The following IL1R1 variants were observed in gnomAD, a reference collection of about 807,000 sequenced individuals.
IL1R1 encodes the protein interleukin-1 receptor type 1.
IL1R1 carries 22 observed loss-of-function variants against 50.2 expected under a neutral mutation model. The ratio of observed to expected loss-of-function variants is 0.44; its 90% CI spans 0.31 to 0.63. The LOEUF (loss-of-function observed/expected upper bound fraction) is 0.63, where lower values mean the gene tolerates loss of function less well. Among genes scored for constraint, IL1R1 ranks in the 20% least tolerant of loss-of-function variants. The probability of loss-of-function intolerance (pLI) is 0.07; values close to 1 mark genes in which losing one functional copy is unlikely to be tolerated. For synonymous variants in IL1R1, 251 were observed against 236.7 expected, an observed-to-expected ratio of 1.06 and a Z score of -0.55; for missense variants, 509 against 676.2, an observed-to-expected ratio of 0.75 and a Z score of 2.74.
chr2:102,171,730 T>C, intron 7 of IL1R1, 71 bp from the exon 8 acceptor site: 1 of 794,446 alleles, frequency 1.3e-6, no homozygotes, highest in Non-Finnish European at 1.9e-6. Context: ...TTTAATTCAA[T>C]AGCCATTTAT....
At position 102,073,775 on chromosome 2, in the gene IL1R1, C is replaced by T. The variant is rs148931150; in HGVS notation, c.-84+3242C>T. On this transcript the variant is annotated intron_variant, in intron 1 of 11. Coordinates refer to the IL1R1 transcript ENST00000409929. ...CATACTCATTTGACAGCACCATTTA[C>T]GGTCAACAAATCTCTAAGCTCAAAG... 2.0e-3 allele frequency among the ~76,000 whole-genome samples: 312 copies of T among 152,212 alleles called. 1 individual carries two copies. Among genetic ancestry groups the T allele is most frequent in the Non-Finnish European group, 2.5e-3 (169 of 68,012 alleles).
upstream of IL1R1, among the ~76,000 whole-genome samples, chr2:102,102,014 AG>A (rs1680165097): frequency 6.6e-6 from 1 of 152,230 alleles, no homozygotes. Flanking sequence ...GTGTTCACAC[AG>A]GTTAACTAAA....
intron 1 of IL1R1, among the ~76,000 whole-genome samples, chr2:102,081,118 C>A (rs1167409148): frequency 6.6e-6 from 1 of 152,084 alleles, no homozygotes; most frequent in Non-Finnish European, 1.5e-5. Context: ...GATGAAAATG[C>A]TCTGAAATTG....
At chr2:102,155,405 G>C (rs871658) in intron 2 of IL1R1, among the ~76,000 whole-genome samples, 28,506 of 152,214 alleles carry the variant, frequency 0.19, 3,488 homozygotes, top group African/African-American at 0.34. Context: ...GTTCAACTGC[G>C]AGCACTATGG....
chr2:102,101,475 C>T (rs1404584698), upstream of IL1R1, among the ~76,000 whole-genome samples: 1 of 152,186 alleles, frequency 6.6e-6, no homozygotes, highest in Non-Finnish European at 1.5e-5. Flanking sequence ...TCTAGGGTTG[C>T]ACATACTTGC....
At position 102,176,738 on chromosome 2, in the gene IL1R1, G is replaced by C. The variant is rs1208581119; in HGVS notation, c.1689G>C (p.Glu563Asp). The C allele has an allele frequency of 6.2e-7, 1 of 1,613,950 alleles. No individual in the cohort carries two copies. Among genetic ancestry groups the C allele is most frequent in the Admixed American group, 1.7e-5 (1 of 60,014 alleles). ...SPATKEKLQR[E>D]AHVPLG ...CCACTAAGGAGAAACTGCAAAGAGA[G>C]GCTCACGTGCCTCTCGGGTAGCATG... The change falls in exon 12 of 12, where the codon GAG (glutamate) becomes GAC (aspartate). Residue 563 changes from glutamate to aspartate, a missense_variant. Coordinates refer to ENST00000410023, the MANE Select transcript of IL1R1 (RefSeq NM_000877.4).
At chr2:102,110,429 AC>A (rs78652693) in intron 1 of IL1R1, among the ~76,000 whole-genome samples, 10,111 of 61,924 alleles carry the variant, frequency 0.16, 466 homozygotes, top group East Asian at 0.33. Context: ...AGAATTACCC[AC>A]CCCCCCACCC....
chr2:102,145,396 T>G (rs1433916150), intron 1 of IL1R1, among the ~76,000 whole-genome samples: 1 of 152,092 alleles, frequency 6.6e-6, no homozygotes, highest in Non-Finnish European at 1.5e-5. Flanking sequence ...GCAGGGAGCA[T>G]GTGGGAAGCC....
chr2:102,083,260 G>GA (rs1357069831), intron 1 of IL1R1, among the ~76,000 whole-genome samples: 5 of 151,966 alleles, frequency 3.3e-5, no homozygotes, highest in Non-Finnish European at 7.4e-5. Flanking sequence ...TGGGTGTTTG[G>GA]AAAAAAATGC....
At chr2:102,166,383 C>T (rs55672344) in intron 6 of IL1R1, 102 bp downstream of exon 6, 11 of 830,576 alleles carry the variant, frequency 1.3e-5, no homozygotes, top group South Asian at 5.3e-5. Context: ...AAATCCAAGA[C>T]GACCTCAATG....
At chr2:102,157,924 C>G (rs1684344511) in intron 3 of IL1R1, 139 bp downstream of exon 3, 2 of 640,292 alleles carry the variant, frequency 3.1e-6, no homozygotes, top group Middle Eastern at 4.2e-4. Context: ...TGGTCATAGA[C>G]CTGTACTGCT....
chr2:102,136,020 A>C (rs1221774937), intron 1 of IL1R1, among the ~76,000 whole-genome samples: 1 of 152,200 alleles, frequency 6.6e-6, no homozygotes, highest in Non-Finnish European at 1.5e-5. Flanking sequence ...AACTCTGCCC[A>C]AAATCTTGTC....
intron 1 of IL1R1, among the ~76,000 whole-genome samples, chr2:102,149,295 G>A (rs1243455484): frequency 6.6e-6 from 1 of 152,244 alleles, no homozygotes; most frequent in Non-Finnish European, 1.5e-5. Flanking sequence ...TCCATGGGAA[G>A]GTAGAAGAGT....
chr2:102,168,563 GA>G, intron 6 of IL1R1, 34 bp from the exon 7 acceptor site: 1 of 1,556,736 alleles, frequency 6.4e-7, no homozygotes, highest in South Asian at 1.1e-5. Context: ...TGATCTATAA[GA>G]GACTGACAAA....
intron 1 of IL1R1, among the ~76,000 whole-genome samples, chr2:102,130,712 T>A (rs1475329588): frequency 6.6e-6 from 1 of 151,534 alleles, no homozygotes; most frequent in Non-Finnish European, 1.5e-5. Context: ...TAAAAAAGAA[T>A]TTGCAGGGTG....
intron 1 of IL1R1, among the ~76,000 whole-genome samples, chr2:102,124,055 A>G (rs528527380): frequency 6.6e-6 from 1 of 152,220 alleles, no homozygotes; most frequent in South Asian, 2.1e-4. Flanking sequence ...TGAGGCAGGG[A>G]AAGGTTAGAC....
Position 102,111,521 on chromosome 2 carries a change from T to C in IL1R1, c.-84+6649T>C, listed in dbSNP as rs180926971. Among the ~76,000 whole-genome samples the C allele has an allele frequency of 3.3e-5, 5 of 152,312 alleles. No individual in the cohort carries two copies. In the East Asian group the frequency reaches 9.6e-4, roughly 29 times the overall value. On this transcript the variant is annotated intron_variant, in intron 1 of 10. Transcript: ENST00000409329. Reference sequence around the variant, plus strand: ...AAACTGACTGATAATTTTGACAGATTATTATTGCATGTCCAACCTGTGCTA... The same window carrying C: ...AAACTGACTGATAATTTTGACAGATCATTATTGCATGTCCAACCTGTGCTA...
chr2:102,092,489 T>C (rs778863638), intron 1 of IL1R1, among the ~76,000 whole-genome samples: 8 of 152,180 alleles, frequency 5.3e-5, no homozygotes, highest in Non-Finnish European at 8.8e-5. Flanking sequence ...AACTCTTATT[T>C]TGATATTCAT....
chr2:102,083,309 G>T (rs986709412), intron 1 of IL1R1, among the ~76,000 whole-genome samples: 1 of 152,166 alleles, frequency 6.6e-6, no homozygotes, highest in African/African-American at 2.4e-5. Flanking sequence ...CTGATGACTC[G>T]TACTGACAGT....
Sources: allele counts gnomAD v4.1 joint callset (sites outside exome capture counted in the v4.1 genomes callset), GRCh38; gene constraint gnomAD v4.1.1; transcripts MANE v1.5; gene names NCBI Gene and HGNC (gene_info 2026-07-23, HGNC 2026-07-21).